The following AK8 variants were observed in gnomAD, a reference collection of about 807,000 sequenced individuals.
AK8 encodes the protein adenylate kinase 8, also known as ATP-AMP transphosphorylase 8.
A neutral mutation model predicts 54.6 loss-of-function variants in AK8; 44 were observed. That is an observed-to-expected ratio of 0.81 (90% CI 0.63 to 1.04). The LOEUF (loss-of-function observed/expected upper bound fraction) is 1.04. Ranked by LOEUF, AK8 falls within the 50% of genes least tolerant of loss-of-function variation. The probability of loss-of-function intolerance (pLI) is 0.00; values close to 1 mark genes in which losing one functional copy is unlikely to be tolerated. For missense variants in AK8, 555 were observed against 613.6 expected, an observed-to-expected ratio of 0.90 and a Z score of 1.01; for synonymous variants, 239 against 245.6, an observed-to-expected ratio of 0.97 and a Z score of 0.25.
chr9:132,795,053 T>G (rs927540450), intron 10 of AK8, among the ~76,000 whole-genome samples: 6 of 152,122 alleles, frequency 3.9e-5, no homozygotes, highest in Non-Finnish European at 7.4e-5. Flanking sequence ...GGTCAGGGCG[T>G]GCCAGCAAAG....
chr9:132,794,314 CT>C (rs1840062702), intron 10 of AK8, among the ~76,000 whole-genome samples: 1 of 152,212 alleles, frequency 6.6e-6, no homozygotes, highest in Non-Finnish European at 1.5e-5. Context: ...GAGCAGTCTC[CT>C]TTCCAAGGCA....
chr9:132,855,356 C>A (rs1843136407), intron 4 of AK8, among the ~76,000 whole-genome samples: 1 of 152,180 alleles, frequency 6.6e-6, no homozygotes, highest in Non-Finnish European at 1.5e-5. Context: ...GTGGCTGTGT[C>A]CCCAGGAAGT....
chr9:132,838,178 C>T (rs992838458), intron 5 of AK8, among the ~76,000 whole-genome samples: 16 of 152,138 alleles, frequency 1.1e-4, no homozygotes, highest in Admixed American at 7.2e-4. Context: ...TCCTCCACTC[C>T]GTTACTGTTT....
intron 11 of AK8, among the ~76,000 whole-genome samples, chr9:132,774,622 G>A (rs551037851): frequency 1.3e-5 from 2 of 152,242 alleles, no homozygotes; most frequent in Admixed American, 1.3e-4. Context: ...AAGTCATCTT[G>A]GTGTCTCTGT....
intron 9 of AK8, among the ~76,000 whole-genome samples, chr9:132,816,786 T>C (rs1046918681): frequency 6.6e-6 from 1 of 152,180 alleles, no homozygotes; most frequent in Non-Finnish European, 1.5e-5. Flanking sequence ...TTTCTACCTA[T>C]GGGCACTTCT....
At chr9:132,853,829 G>A (rs1372502039) in intron 5 of AK8, among the ~76,000 whole-genome samples, 1 of 146,802 alleles carries the variant, frequency 6.8e-6, no homozygotes, top group African/African-American at 2.5e-5. Context: ...TGCTAGCTTT[G>A]GCAAGCGCAT....
chr9:132,877,182 T>G (rs1844148408), intron 1 of AK8, among the ~76,000 whole-genome samples: 1 of 151,340 alleles, frequency 6.6e-6, no homozygotes, highest in Non-Finnish European at 1.5e-5. Flanking sequence ...CCTGACCTGC[T>G]GACTTCTAAC....
intron 11 of AK8, among the ~76,000 whole-genome samples, chr9:132,757,206 A>G (rs1838231145): frequency 6.6e-6 from 1 of 152,082 alleles, no homozygotes; most frequent in Non-Finnish European, 1.5e-5. Flanking sequence ...GGTGATTCCC[A>G]CCGTTAGCGG....
intron 10 of AK8, among the ~76,000 whole-genome samples, chr9:132,807,737 C>A (rs917790756): frequency 6.6e-6 from 1 of 152,192 alleles, no homozygotes; most frequent in African/African-American, 2.4e-5. Flanking sequence ...TGAGTTTGAA[C>A]AACAGAGTGA....
chr9:132,846,750 C>T (rs909311915), intron 5 of AK8, among the ~76,000 whole-genome samples: 5 of 152,192 alleles, frequency 3.3e-5, no homozygotes, highest in African/African-American at 9.7e-5. Context: ...ATAGCACAGC[C>T]CTGGAGCCCC....
At chr9:132,725,967 T>C (rs396819) in intron 12 of AK8, 42 bp from the exon 13 acceptor site, 939,645 of 1,580,716 alleles carry the variant, frequency 0.59, 282,784 homozygotes, top group Admixed American at 0.77. Context: ...TGGCCTGGCC[T>C]GGAAGCAGGG....
intron 10 of AK8, among the ~76,000 whole-genome samples, chr9:132,810,079 A>T (rs540535146): frequency 6.6e-6 from 1 of 152,332 alleles, no homozygotes; most frequent in African/African-American, 2.4e-5. Flanking sequence ...CAGCCCACTA[A>T]TGAGACCCTG....
At chr9:132,872,834 C>G (rs1023426037) in intron 2 of AK8, among the ~76,000 whole-genome samples, 2 of 152,084 alleles carry the variant, frequency 1.3e-5, no homozygotes, top group African/African-American at 4.8e-5. Context: ...GTTTTAGAGA[C>G]AGAGTCTCGC....
intron 11 of AK8, among the ~76,000 whole-genome samples, chr9:132,736,524 G>A (rs1268971698): frequency 4.6e-5 from 7 of 150,660 alleles, no homozygotes; most frequent in East Asian, 4.0e-4. Context: ...TGGGCTGGGC[G>A]CGGTGGCTCA....
chr9:132,741,630 C>T (rs1037086400), intron 11 of AK8, among the ~76,000 whole-genome samples: 1 of 152,060 alleles, frequency 6.6e-6, no homozygotes, highest in African/African-American at 2.4e-5. Flanking sequence ...GTCTTGAGCC[C>T]TAGTTTTCGT....
At chr9:132,782,363 C>T (rs1034593215) in intron 11 of AK8, among the ~76,000 whole-genome samples, 6 of 152,086 alleles carry the variant, frequency 3.9e-5, no homozygotes, top group African/African-American at 7.2e-5. Flanking sequence ...TTCCCCAGTG[C>T]GTTTCATCTT....
At chr9:132,744,504 G>C (rs1243523693) in intron 11 of AK8, among the ~76,000 whole-genome samples, 2 of 151,684 alleles carry the variant, frequency 1.3e-5, no homozygotes, top group African/African-American at 4.8e-5. Context: ...GTGTCAAAGA[G>C]AAACGGTCTC....
At chr9:132,842,825 C>G (rs1457858640) in intron 5 of AK8, among the ~76,000 whole-genome samples, 1 of 152,214 alleles carries the variant, frequency 6.6e-6, no homozygotes, top group Non-Finnish European at 1.5e-5. Flanking sequence ...TCCTTGCTGC[C>G]ACATGACTGA....
rs192215487 is a variant in AK8 at position 132,747,045 on chromosome 9, G to A, written c.1122-19511C>T. Among the ~76,000 whole-genome samples the A allele has an allele frequency of 1.4e-4, 22 of 152,174 alleles. 1 individual carries two copies. In the South Asian group the frequency reaches 3.9e-3, roughly 27 times the overall value. ...AACAGTATTCTCAATGCATATATGC[G>A]GCAACTGAGGCTCAGGGTAGCCAAG... On this transcript the variant is annotated intron_variant, in intron 11 of 12. Transcript: ENST00000298545.
Sources: gnomAD v4.1 joint callset for allele counts (sites outside exome capture counted in the v4.1 genomes callset) on GRCh38, gnomAD v4.1.1 for gene constraint, MANE v1.5 for transcripts, NCBI Gene and HGNC (gene_info 2026-07-23, HGNC 2026-07-21) for gene names.